Variants in CNTNAP5 observed in about 807,000 individuals in gnomAD.
The protein encoded by CNTNAP5 is contactin-associated protein-like 5.
A neutral mutation model predicts 150.2 loss-of-function variants in CNTNAP5; 72 were observed. That is an observed-to-expected ratio of 0.48 (90% confidence interval 0.40 to 0.58). The LOEUF is 0.58. Among genes scored for constraint, CNTNAP5 ranks in the 20% least tolerant of loss-of-function variants. CNTNAP5 has a pLI of 0.00. For missense variants in CNTNAP5, 1,636 were observed against 1,626.2 expected, an observed-to-expected ratio of 1.01 and a Z score of -0.10; for synonymous variants, 672 against 619.8, an observed-to-expected ratio of 1.08 and a Z score of -1.25.
At chr2:124,219,825 C>G (rs1686258191) in intron 1 of CNTNAP5, among the ~76,000 whole-genome samples, 1 of 152,028 alleles carries the variant, frequency 6.6e-6, no homozygotes, top group African/African-American at 2.4e-5. Context: ...TCACCTGTAT[C>G]TTCTGCCAGA....
At chr2:124,848,709 G>C (rs1451714057) in intron 19 of CNTNAP5, among the ~76,000 whole-genome samples, 1 of 152,164 alleles carries the variant, frequency 6.6e-6, no homozygotes, top group African/African-American at 2.4e-5. Context: ...GGTGTGAGGT[G>C]ATATCTTATT....
intron 3 of CNTNAP5, among the ~76,000 whole-genome samples, chr2:124,258,067 C>A (rs1182720369): frequency 6.6e-6 from 1 of 152,050 alleles, no homozygotes; most frequent in Non-Finnish European, 1.5e-5. Flanking sequence ...AGACGTTAGC[C>A]CCCAAGTGAG....
At chr2:124,359,254 A>C (rs1690125537) in intron 3 of CNTNAP5, among the ~76,000 whole-genome samples, 1 of 151,254 alleles carries the variant, frequency 6.6e-6, no homozygotes, top group African/African-American at 2.4e-5. Context: ...TCAAAAAACC[A>C]GCTCCTGGAT....
intron 1 of CNTNAP5, among the ~76,000 whole-genome samples, chr2:124,042,440 G>A (rs544157953): frequency 4.6e-5 from 7 of 152,254 alleles, no homozygotes; most frequent in Admixed American, 3.9e-4. Context: ...ATTTGGAGGA[G>A]TAATGGCCTG....
intron 19 of CNTNAP5, among the ~76,000 whole-genome samples, chr2:124,804,297 G>A (rs979710862): frequency 2.6e-5 from 4 of 152,212 alleles, no homozygotes; most frequent in African/African-American, 4.8e-5. Context: ...ATTATCACAG[G>A]GTTAGACTTG....
At chr2:124,666,883 G>T (rs1471018990) in intron 13 of CNTNAP5, among the ~76,000 whole-genome samples, 1 of 152,068 alleles carries the variant, frequency 6.6e-6, no homozygotes, top group South Asian at 2.1e-4. Flanking sequence ...TTTTGTGCTT[G>T]AAATTGCTGT....
chr2:124,651,582 A>G (rs367763897), intron 13 of CNTNAP5, among the ~76,000 whole-genome samples: 1 of 152,204 alleles, frequency 6.6e-6, no homozygotes, highest in South Asian at 2.1e-4. Context: ...GGCAGATCTA[A>G]CTCTTGCAAC....
chr2:124,454,020 G>A (rs953373936), intron 6 of CNTNAP5, among the ~76,000 whole-genome samples: 2 of 152,004 alleles, frequency 1.3e-5, no homozygotes, highest in Non-Finnish European at 2.9e-5. Flanking sequence ...GCAACAAATA[G>A]CACGATGAAT....
intron 1 of CNTNAP5, among the ~76,000 whole-genome samples, chr2:124,215,505 C>T (rs80217520): frequency 4.9e-4 from 75 of 152,122 alleles, no homozygotes; most frequent in South Asian, 1.0e-3. Flanking sequence ...TATACATATA[C>T]TGAAGAACAT....
intron 19 of CNTNAP5, among the ~76,000 whole-genome samples, chr2:124,806,024 G>T (rs1005680930): frequency 3.3e-5 from 5 of 152,184 alleles, no homozygotes; most frequent in African/African-American, 1.2e-4. Flanking sequence ...GAATCTTGTG[G>T]AGACACAAAC....
At chr2:124,592,174 T>A (rs898417201) in intron 11 of CNTNAP5, among the ~76,000 whole-genome samples, 12 of 152,234 alleles carry the variant, frequency 7.9e-5, no homozygotes, top group African/African-American at 1.9e-4. Flanking sequence ...ATGGTGTTTT[T>A]AAAAAAATAT....
rs114146622 is a variant in CNTNAP5, at chr2:124,059,327, G to A, written c.82+33595G>A. Among the ~76,000 whole-genome samples, 544 of 152,306 alleles carry A rather than the reference G, an allele frequency of 3.6e-3. 3 individuals carry two copies. The highest frequency in any genetic ancestry group is 0.013 in the African/African-American group (523 of 41,558). ...GAATTGGCAAAGATATCACATTTCTGTGAACATCGAATAAAGTAAATAAGG... is the reference window on the plus strand; with the variant it reads ...GAATTGGCAAAGATATCACATTTCTATGAACATCGAATAAAGTAAATAAGG... On this transcript the variant is annotated intron_variant, in intron 1 of 23. Transcript: ENST00000682447.
chr2:124,245,127 C>T (rs950518061), intron 3 of CNTNAP5, among the ~76,000 whole-genome samples: 3 of 151,982 alleles, frequency 2.0e-5, no homozygotes, highest in Non-Finnish European at 2.9e-5. Flanking sequence ...AATATGAAGC[C>T]CTATTGTTTA....
At chr2:124,617,441 T>C (rs986988174) in intron 12 of CNTNAP5, among the ~76,000 whole-genome samples, 3 of 152,136 alleles carry the variant, frequency 2.0e-5, no homozygotes, top group African/African-American at 7.2e-5. Context: ...TGGCACTCCT[T>C]CACTTGCAGC....
intron 1 of CNTNAP5, among the ~76,000 whole-genome samples, chr2:124,203,185 T>C (rs1236373433): frequency 6.6e-6 from 1 of 152,088 alleles, no homozygotes; most frequent in Non-Finnish European, 1.5e-5. Flanking sequence ...CCCATGCAAG[T>C]CCAAAATCCA....
intron 1 of CNTNAP5, among the ~76,000 whole-genome samples, chr2:124,185,334 CA>C (rs1207882266): frequency 6.6e-6 from 1 of 152,094 alleles, no homozygotes; most frequent in Non-Finnish European, 1.5e-5. Context: ...TGTAAGCTGC[CA>C]AAAGGCAAGG....
At chr2:124,472,368 G>C (rs144134507) in intron 6 of CNTNAP5, among the ~76,000 whole-genome samples, 2 of 152,062 alleles carry the variant, frequency 1.3e-5, no homozygotes, top group African/African-American at 4.8e-5. Flanking sequence ...GTTATGTATA[G>C]CTGAGAAATA....
chr2:124,042,832 T>TCTATCAG, intron 1 of CNTNAP5, among the ~76,000 whole-genome samples: 1 of 138,722 alleles, frequency 7.2e-6, no homozygotes, highest in African/African-American at 2.6e-5. Flanking sequence ...CTATCTATCA[T>TCTATCAG]CTATGTTTGA....
intron 1 of CNTNAP5, among the ~76,000 whole-genome samples, chr2:124,124,613 A>C (rs1683642372): frequency 6.6e-6 from 1 of 152,198 alleles, no homozygotes; most frequent in Admixed American, 6.5e-5. Flanking sequence ...CATAATTGTC[A>C]GATTCACCAA....
Sources: gnomAD v4.1 joint callset for allele counts (sites outside exome capture counted in the v4.1 genomes callset) on GRCh38, gnomAD v4.1.1 for gene constraint, MANE v1.5 for transcripts, NCBI Gene and HGNC (gene_info 2026-07-23, HGNC 2026-07-21) for gene names.